RXFP1: variants seen among roughly 807,000 people sequenced by gnomAD.
RXFP1 encodes relaxin receptor 1.
Under a neutral mutation model 89.8 loss-of-function variants are expected in RXFP1, and 73 were observed. That is an observed-to-expected ratio of 0.81 (90% CI 0.67 to 0.99). RXFP1 has a LOEUF of 0.99. RXFP1 is among the 50% of genes least tolerant of loss of function. RXFP1 has a pLI of 0.00. For synonymous variants in RXFP1, 277 were observed against 305.5 expected (o/e 0.91, Z 0.97); for missense variants, 793 against 895.5 (o/e 0.89, Z 1.46).
chr4:158,646,898 T>G lies in RXFP1; in HGVS notation c.1453T>G (p.Cys485Gly). ...GCAGCTGTGGATGGAGAGTACTCAT[T>G]GTCAGCTTGTAGGATCTTTGGCCAT... ...HAQLWMESTH[C>G]QLVGSLAILS... The change falls in exon 16 of 18, where the codon TGT becomes GGT. Residue 485 changes from cysteine to glycine, a missense_variant. Cys to Gly is a radical substitution (Grantham distance 159). Coordinates refer to ENST00000307765, the MANE Select transcript of RXFP1 (RefSeq NM_021634.4). 6.2e-7 allele frequency: 1 copy of G among 1,614,200 alleles called. No individual in the cohort carries two copies. Among genetic ancestry groups the G allele is most frequent in the Non-Finnish European group, 8.5e-7 (1 of 1,180,028 alleles).
intron 16 of RXFP1, among the ~76,000 whole-genome samples, chr4:158,647,453 A>G (rs931983050): frequency 1.3e-5 from 2 of 152,216 alleles, no homozygotes; most frequent in Non-Finnish European, 2.9e-5. Context: ...GAACATAATG[A>G]TATTTATTAT....
Position 158,651,740 on chromosome 4 carries a change from T to G in RXFP1, c.1976-17T>G, listed in dbSNP as rs374589286. ...AACATCTATAAACACTAAAACTATT[T>G]CATTTTTCTTTTTTAGGTACCATAA... On this transcript the variant is annotated splice_polypyrimidine_tract_variant and intron_variant, in intron 17 of 17. Transcript: ENST00000307765. 1,110 of 1,574,578 alleles carry G rather than the reference T, an allele frequency of 7.0e-4. No individual in the cohort carries two copies. Among genetic ancestry groups the G allele is most frequent in the Non-Finnish European group, 8.5e-4 (984 of 1,160,508 alleles).
At position 158,549,743 on chromosome 4, in the gene RXFP1, C is replaced by T. The variant is rs553109973; in HGVS notation, c.50-22955C>T. 3.3e-5 allele frequency among the ~76,000 whole-genome samples: 5 copies of T among 152,316 alleles called. No homozygotes were observed. The East Asian group carries it at 9.6e-4, about 29-fold the overall frequency. ...CAGACCCTGTTTGCCTGGGTATCAG[C>T]AGCAGTGGCTGTAGAACAGCGGATC... On this transcript the variant is annotated intron_variant, in intron 1 of 17. Transcript: ENST00000307765.
Position 158,602,759 on chromosome 4 carries a change from A to G in RXFP1, c.393-2309A>G, listed in dbSNP as rs566587547. On this transcript the variant is annotated intron_variant, in intron 4 of 17. Transcript: ENST00000307765. ...GAGATAATGAATGAATGAATGAACA[A>G]TTTTTTTTTTTTGAGACAGAGTCTC... 7.9e-4 allele frequency among the ~76,000 whole-genome samples: 117 copies of G among 148,040 alleles called. 3 individuals are homozygous for G. In the South Asian group the frequency reaches 0.016, roughly 20 times the overall value.
At chr4:158,595,354 A>G (rs1760340582) in intron 3 of RXFP1, among the ~76,000 whole-genome samples, 1 of 152,180 alleles carries the variant, frequency 6.6e-6, no homozygotes, top group South Asian at 2.1e-4. Context: ...GACAAATTTT[A>G]TATCATATAT....
intron 9 of RXFP1, among the ~76,000 whole-genome samples, chr4:158,622,145 T>C (rs1765741939): frequency 6.6e-6 from 1 of 152,098 alleles, no homozygotes; most frequent in Non-Finnish European, 1.5e-5. Context: ...ACCCCATCTC[T>C]ACTAAAAATA....
intron 5 of RXFP1, 124 bp downstream of exon 5, chr4:158,605,263 T>C (rs1762361454): frequency 8.3e-6 from 4 of 484,598 alleles, no homozygotes; most frequent in Non-Finnish European, 1.5e-5. Flanking sequence ...TTCAGGGAAA[T>C]ATTTAGCTGT....
At chr4:158,571,246 G>A (rs945148363) in intron 1 of RXFP1, among the ~76,000 whole-genome samples, 1 of 152,156 alleles carries the variant, frequency 6.6e-6, no homozygotes, top group Non-Finnish European at 1.5e-5. Context: ...ATCTTGCACA[G>A]GGCCTTACAC....
At chr4:158,566,374 A>AG (rs1471296519) in intron 1 of RXFP1, among the ~76,000 whole-genome samples, 1 of 20,228 alleles carries the variant, frequency 4.9e-5, no homozygotes, top group Non-Finnish European at 2.0e-4. Context: ...TTATCTCAAA[A>AG]TTTTTTTTTT....
intron 6 of RXFP1, chr4:158,610,798 CT>C: frequency 2.1e-6 from 2 of 968,352 alleles, no homozygotes; most frequent in Non-Finnish European, 2.8e-6. Flanking sequence ...CCCACCTGGG[CT>C]CCAGGTTTGC....
At chr4:158,568,161 C>T (rs1754125414) in intron 1 of RXFP1, among the ~76,000 whole-genome samples, 1 of 152,190 alleles carries the variant, frequency 6.6e-6, no homozygotes, top group Admixed American at 6.5e-5. Flanking sequence ...AAGGAAGAAA[C>T]TCCAAACAAA....
At chr4:158,570,736 T>A (rs1456301822) in intron 1 of RXFP1, among the ~76,000 whole-genome samples, 1 of 152,132 alleles carries the variant, frequency 6.6e-6, no homozygotes, top group Non-Finnish European at 1.5e-5. Flanking sequence ...AAAACATACC[T>A]GTTTCCTAAT....
chr4:158,544,117 T>C (rs1299620700), intron 1 of RXFP1: 1 of 980,458 alleles, frequency 1.0e-6, no homozygotes, highest in Non-Finnish European at 1.2e-6. Context: ...TTTTTTAATT[T>C]ACTTCCTAAA....
intron 9 of RXFP1, among the ~76,000 whole-genome samples, chr4:158,621,011 ACTTGTAAT>A (rs1765526983): frequency 6.6e-6 from 1 of 152,184 alleles, no homozygotes; most frequent in African/African-American, 2.4e-5. Context: ...GGTGGTGGGC[ACTTGTAAT>A]CCCAGCTACT....
chr4:158,575,662 C>T (rs946632528), intron 2 of RXFP1, among the ~76,000 whole-genome samples: 3 of 152,144 alleles, frequency 2.0e-5, no homozygotes, highest in Admixed American at 2.0e-4. Flanking sequence ...AGAAAGTGGG[C>T]CATCACTAGA....
chr4:158,640,770 A>G (rs1433188991), intron 14 of RXFP1, among the ~76,000 whole-genome samples: 3 of 152,222 alleles, frequency 2.0e-5, no homozygotes, highest in African/African-American at 7.2e-5. Flanking sequence ...AGGAATTTAT[A>G]TAGGCAATAT....
At chr4:158,642,608 G>A (rs1281444280) in intron 14 of RXFP1, among the ~76,000 whole-genome samples, 2 of 152,150 alleles carry the variant, frequency 1.3e-5, no homozygotes, top group Non-Finnish European at 2.9e-5. Context: ...TTGCCACAAT[G>A]ACAGAATTTC....
rs550570981 is a variant in RXFP1, at chr4:158,625,369, C to A, written c.756-1451C>A. ...ATGATACATTGTCTGTGCTAAATAC[C>A]TGTAGTAAAAAGAAACAACTTCTCT... On this transcript the variant is annotated intron_variant, in intron 9 of 17. Transcript: ENST00000307765. Among the ~76,000 whole-genome samples, 32 of 142,686 alleles carry A rather than the reference C, an allele frequency of 2.2e-4. 1 individual carries two copies. In the South Asian group the frequency reaches 6.8e-3, roughly 30 times the overall value. The allele number at this position is 142,686 out of a possible 152,430, so 93.6% of individuals were successfully genotyped here. A position where few individuals can be genotyped will look rare whatever the true frequency, so the allele number is the denominator to read the frequency against.
intron 1 of RXFP1, among the ~76,000 whole-genome samples, chr4:158,527,564 A>AAAACATATATAT (rs5741905): frequency 1.0e-5 from 1 of 98,338 alleles, no homozygotes; most frequent in Non-Finnish European, 2.0e-5. Context: ...AAAAAAAAAA[A>AAAACATATATAT]ATATATATAT....
Sources: gnomAD v4.1 joint callset for allele counts (sites outside exome capture counted in the v4.1 genomes callset) on GRCh38, gnomAD v4.1.1 for gene constraint, MANE v1.5 for transcripts, NCBI Gene and HGNC (gene_info 2026-07-23, HGNC 2026-07-21) for gene names.